HCRTR2: variants seen among roughly 807,000 people sequenced by gnomAD.
The protein encoded by HCRTR2 is orexin receptor type 2.
A neutral mutation model predicts 49.0 loss-of-function variants in HCRTR2; 22 were observed. The ratio of observed to expected loss-of-function variants is 0.45; its 90% CI spans 0.32 to 0.64. The LOEUF (loss-of-function observed/expected upper bound fraction) is 0.64. Among genes scored for constraint, HCRTR2 ranks in the 30% least tolerant of loss-of-function variants. The probability of loss-of-function intolerance (pLI) is 0.04; values close to 1 mark genes in which losing one functional copy is unlikely to be tolerated. For synonymous variants in HCRTR2, 236 were observed against 205.3 expected (o/e 1.15, Z -1.28); for missense variants, 491 against 559.4 (o/e 0.88, Z 1.23).
intron 1 of HCRTR2, among the ~76,000 whole-genome samples, chr6:55,231,000 A>G (rs1000427776): frequency 2.0e-5 from 3 of 152,168 alleles, no homozygotes; most frequent in Admixed American, 6.5e-5. Context: ...GGTACTTCCC[A>G]TAACTCTGAT....
At chr6:55,283,148 A>C (rs1275479138), downstream of HCRTR2, among the ~76,000 whole-genome samples, 1 of 152,228 alleles carries the variant, frequency 6.6e-6, no homozygotes, top group Non-Finnish European at 1.5e-5. Flanking sequence ...TTTAAGAATA[A>C]GCTAAATCAC....
chr6:55,172,120 C>G (rs1199847980), upstream of HCRTR2, among the ~76,000 whole-genome samples: 10 of 152,144 alleles, frequency 6.6e-5, no homozygotes. Context: ...CTGGTGACAA[C>G]AGGTCTGGAG....
chr6:55,170,032 C>T (rs1581805228), upstream of HCRTR2, among the ~76,000 whole-genome samples: 1 of 111,466 alleles, frequency 9.0e-6, no homozygotes, highest in Non-Finnish European at 1.8e-5. Context: ...TCTAAACAAC[C>T]TACCTATAAC....
In HCRTR2 at chr6:55,143,072, T is replaced by C. The variant is rs116548231; in HGVS notation, c.-377-31139T>C. Among the ~76,000 whole-genome samples the C allele has an allele frequency of 7.0e-3, 1,063 of 151,632 alleles. 20 individuals carry two copies. Among genetic ancestry groups the C allele is most frequent in the African/African-American group, 0.024 (999 of 41,260 alleles). ...CATTATATATAAAAATAACTATTTC[T>C]AGATAATCATAAGGGGTTTTAAACT... On this transcript the variant is annotated intron_variant, in intron 1 of 7. Coordinates refer to the HCRTR2 transcript ENST00000615358.
chr6:55,203,197 A>G (rs1765540892), intron 1 of HCRTR2, among the ~76,000 whole-genome samples: 1 of 152,192 alleles, frequency 6.6e-6, no homozygotes, highest in African/African-American at 2.4e-5. Flanking sequence ...GTATATATAT[A>G]ATTTCTCTGA....
upstream of HCRTR2, among the ~76,000 whole-genome samples, chr6:55,172,433 C>A (rs1764964409): frequency 6.6e-6 from 1 of 151,918 alleles, no homozygotes; most frequent in African/African-American, 2.4e-5. Context: ...GAAACAGCAA[C>A]CTGTTTAACT....
rs1765089492 is a variant in HCRTR2 at position 55,179,160 on chromosome 6, T to C, written c.223+4350T>C. On this transcript the variant is annotated intron_variant, in intron 1 of 6. Coordinates refer to ENST00000370862, the MANE Select transcript of HCRTR2 (RefSeq NM_001384272.1). ...TGGTAGAATTGCAAGTTCATGTTAC[T>C]CCTAAGCCTAGAGACATTTATTTTC... Among the ~76,000 whole-genome samples the C allele has an allele frequency of 2.0e-5, 3 of 152,170 alleles. No individual in the cohort carries two copies. The South Asian group carries it at 6.2e-4, about 31-fold the overall frequency.
At chr6:55,122,588 C>T (rs942017040) in intron 1 of HCRTR2, among the ~76,000 whole-genome samples, 2 of 152,050 alleles carry the variant, frequency 1.3e-5, no homozygotes, top group African/African-American at 4.8e-5. Flanking sequence ...CCTGCTTTCT[C>T]TTGTGGGCAT....
Position 55,215,582 on chromosome 6 carries a change from T to TA in HCRTR2, c.224-33049dup, listed in dbSNP as rs1001296414. Among the ~76,000 whole-genome samples, 6 of 152,070 alleles carry TA rather than the reference T, an allele frequency of 3.9e-5. No individual in the cohort carries two copies. The East Asian group carries it at 9.7e-4, about 25-fold the overall frequency. The stretch of plus-strand genomic sequence containing the variant: ...TTACTCTTCATCCTGGTATAGAAGT[T>TA]AAAAAAAACCACAAGTATTAAAATA... On this transcript the variant is annotated intron_variant, in intron 1 of 6. Coordinates refer to ENST00000370862, the MANE Select transcript of HCRTR2 (RefSeq NM_001384272.1).
intron 1 of HCRTR2, among the ~76,000 whole-genome samples, chr6:55,121,967 G>T (rs1764206341): frequency 6.6e-6 from 1 of 152,122 alleles, no homozygotes; most frequent in African/African-American, 2.4e-5. Flanking sequence ...TCAGGATGAT[G>T]GTGGCCTCAT....
intron 1 of HCRTR2, among the ~76,000 whole-genome samples, chr6:55,178,158 A>G (rs1222249346): frequency 1.3e-5 from 2 of 152,002 alleles, no homozygotes; most frequent in Non-Finnish European, 2.9e-5. Flanking sequence ...GTTAATTTTT[A>G]CTCCTGATTC....
At chr6:55,221,997 A>G (rs1399336224) in intron 1 of HCRTR2, among the ~76,000 whole-genome samples, 1 of 152,104 alleles carries the variant, frequency 6.6e-6, no homozygotes, top group Non-Finnish European at 1.5e-5. Context: ...GAAAATAAAT[A>G]AAAAGAAAAA....
intron 1 of HCRTR2, among the ~76,000 whole-genome samples, chr6:55,139,723 T>C (rs1764480959): frequency 6.6e-6 from 1 of 152,206 alleles, no homozygotes; most frequent in Admixed American, 6.5e-5. Context: ...TGCATAACTA[T>C]TGGTCTTGAT....
At chr6:55,186,112 T>G (rs1765212524) in intron 1 of HCRTR2, among the ~76,000 whole-genome samples, 2 of 152,240 alleles carry the variant, frequency 1.3e-5, no homozygotes, top group Admixed American at 1.3e-4. Flanking sequence ...GTTGTCTCCC[T>G]TAAGTAAAAG....
At chr6:55,134,143 A>C (rs1299036759) in intron 1 of HCRTR2, among the ~76,000 whole-genome samples, 2 of 151,742 alleles carry the variant, frequency 1.3e-5, no homozygotes, top group Non-Finnish European at 2.9e-5. Context: ...TTTTATTTCT[A>C]TGGTTATCTA....
chr6:55,283,562 T>C (rs540719269), downstream of HCRTR2, among the ~76,000 whole-genome samples: 1 of 152,194 alleles, frequency 6.6e-6, no homozygotes, highest in Non-Finnish European at 1.5e-5. Context: ...GACTATCGTA[T>C]ATTTTGTAGA....
At chr6:55,284,450 G>A (rs894520686), downstream of HCRTR2, among the ~76,000 whole-genome samples, 1 of 152,140 alleles carries the variant, frequency 6.6e-6, no homozygotes, top group Non-Finnish European at 1.5e-5. Flanking sequence ...CAAAAGCTGT[G>A]TGTTAAGCAC....
intron 1 of HCRTR2, among the ~76,000 whole-genome samples, chr6:55,211,445 A>C (rs562562896): frequency 6.6e-6 from 1 of 152,274 alleles, no homozygotes; most frequent in Non-Finnish European, 1.5e-5. Context: ...TGGAAAAGGC[A>C]TATTCTGTAA....
intron 1 of HCRTR2, among the ~76,000 whole-genome samples, chr6:55,179,195 G>T (rs142688522): frequency 1.5e-4 from 23 of 152,052 alleles, no homozygotes; most frequent in Non-Finnish European, 3.2e-4. Context: ...CTGCTTCTCC[G>T]AATGCCCATT....
Sources: allele counts gnomAD v4.1 joint callset (sites outside exome capture counted in the v4.1 genomes callset), GRCh38; gene constraint gnomAD v4.1.1; transcripts MANE v1.5; gene names NCBI Gene and HGNC (gene_info 2026-07-23, HGNC 2026-07-21).